AGBL4: variants seen among roughly 807,000 people sequenced by gnomAD.
AGBL4 encodes the protein cytosolic carboxypeptidase 6.
AGBL4 carries 58 observed loss-of-function variants against 66.4 expected under a neutral mutation model. The ratio of observed to expected loss-of-function variants is 0.87; its 90% CI spans 0.71 to 1.09. The LOEUF (loss-of-function observed/expected upper bound fraction) is 1.09, where lower values mean the gene tolerates loss of function less well. Among genes scored for constraint, AGBL4 ranks in the 50% least tolerant of loss-of-function variants. AGBL4 has a pLI of 0.00. For synonymous variants in AGBL4, 234 were observed against 222.9 expected (o/e 1.05, Z -0.44); for missense variants, 579 against 631.0 (o/e 0.92, Z 0.88).
chr1:49,251,785 T>C (rs1652089554), intron 3 of AGBL4, among the ~76,000 whole-genome samples: 1 of 152,128 alleles, frequency 6.6e-6, no homozygotes, highest in South Asian at 2.1e-4. Flanking sequence ...CCCCCAGAGT[T>C]AGAGCACACA....
chr1:48,763,176 GAA>G (rs905372409), intron 6 of AGBL4, among the ~76,000 whole-genome samples: 2 of 151,732 alleles, frequency 1.3e-5, no homozygotes, highest in African/African-American at 2.4e-5. Context: ...GAACTGCTCA[GAA>G]AAAAAAGAGG....
At chr1:48,950,981 G>T (rs545301109) in intron 5 of AGBL4, among the ~76,000 whole-genome samples, 2 of 152,204 alleles carry the variant, frequency 1.3e-5, no homozygotes, top group South Asian at 4.2e-4. Context: ...CAAAAATCCA[G>T]ATAAAAAATG....
intron 3 of AGBL4, among the ~76,000 whole-genome samples, chr1:49,676,520 C>T (rs936851954): frequency 2.0e-5 from 3 of 152,084 alleles, no homozygotes; most frequent in African/African-American, 7.2e-5. Context: ...GGTTGTCATA[C>T]ACTTTGCTCA....
rs969719951 is a variant in AGBL4, at chr1:48,846,352, GAGAAAGAAAGAAGAA to G, written c.634+20824_634+20838del. Among the ~76,000 whole-genome samples, 5 of 116,198 alleles carry G rather than the reference GAGAAAGAAAGAAGAA, an allele frequency of 4.3e-5. No individual in the cohort carries two copies. In the South Asian group the frequency reaches 8.2e-4, roughly 19 times the overall value. The allele number at this position is 116,198 out of a possible 152,430, so 76.2% of individuals were successfully genotyped here. Reference sequence around the variant, plus strand: ...GATAGATAAGAAAAAGAAAAGAAAGGAGAAAGAAAGAAGAAAGAAAGAAAGAAAGAAAGAAAGAAA... The same window carrying G: ...GATAGATAAGAAAAAGAAAAGAAAGGAGAAAGAAAGAAAGAAAGAAAGAAA... On this transcript the variant is annotated intron_variant, in intron 6 of 13. Transcript: ENST00000371839.
intron 3 of AGBL4, among the ~76,000 whole-genome samples, chr1:49,691,770 G>A (rs1209191830): frequency 2.6e-5 from 4 of 152,136 alleles, no homozygotes; most frequent in African/African-American, 9.7e-5. Context: ...AGCTGCCAGT[G>A]TGGCTAGAAT....
intron 3 of AGBL4, among the ~76,000 whole-genome samples, chr1:49,624,000 A>T (rs1558111046): frequency 7.2e-6 from 1 of 138,964 alleles, no homozygotes; most frequent in African/African-American, 3.2e-5. Context: ...TTGATGAGAG[A>T]GAGTGTGTGT....
At chr1:48,985,124 A>T (rs544080198) in intron 5 of AGBL4, among the ~76,000 whole-genome samples, 1 of 152,284 alleles carries the variant, frequency 6.6e-6, no homozygotes, top group East Asian at 1.9e-4. Flanking sequence ...AAGACATTGG[A>T]CATAAGACAA....
At chr1:49,592,771 G>A (rs1020937629) in intron 3 of AGBL4, among the ~76,000 whole-genome samples, 2 of 152,150 alleles carry the variant, frequency 1.3e-5, no homozygotes, top group African/African-American at 4.8e-5. Flanking sequence ...GAAAGAAAAT[G>A]CATATATACT....
intron 1 of AGBL4, among the ~76,000 whole-genome samples, chr1:49,947,346 A>C (rs948085889): frequency 1.3e-5 from 2 of 152,078 alleles, no homozygotes; most frequent in African/African-American, 4.8e-5. Flanking sequence ...TTAATCCACC[A>C]TGATCAAGTG....
chr1:48,583,520 A>G (rs1247130935), intron 11 of AGBL4, among the ~76,000 whole-genome samples: 2 of 152,228 alleles, frequency 1.3e-5, no homozygotes, highest in African/African-American at 2.4e-5. Flanking sequence ...TTCTGTTTGC[A>G]TAATACCACA....
At chr1:49,842,728 G>T (rs1215226080) in intron 2 of AGBL4, among the ~76,000 whole-genome samples, 5 of 152,012 alleles carry the variant, frequency 3.3e-5, no homozygotes, top group African/African-American at 9.7e-5. Context: ...GGTAGACTAG[G>T]ATGGGGGTGA....
At chr1:49,265,974 A>G (rs1314277217) in intron 3 of AGBL4, among the ~76,000 whole-genome samples, 1 of 152,184 alleles carries the variant, frequency 6.6e-6, no homozygotes, top group African/African-American at 2.4e-5. Flanking sequence ...AAAATGCTGA[A>G]CAATCCTGGG....
chr1:48,801,284 C>T (rs142465176), intron 6 of AGBL4, among the ~76,000 whole-genome samples: 1 of 152,352 alleles, frequency 6.6e-6, no homozygotes, highest in Non-Finnish European at 1.5e-5. Flanking sequence ...GGCCTTGCCC[C>T]TCCCTGCCTG....
At chr1:49,412,970 G>C (rs1645347867) in intron 3 of AGBL4, among the ~76,000 whole-genome samples, 1 of 152,162 alleles carries the variant, frequency 6.6e-6, no homozygotes, top group Non-Finnish European at 1.5e-5. Flanking sequence ...AGTCCTGTGG[G>C]ATAAGGTTTT....
chr1:49,461,323 T>TG, intron 3 of AGBL4, among the ~76,000 whole-genome samples: 1 of 151,632 alleles, frequency 6.6e-6, no homozygotes, highest in African/African-American at 2.4e-5. Context: ...TTTGATGGAC[T>TG]GGATTAATTA....
At chr1:48,900,754 A>T (rs1462068384) in intron 5 of AGBL4, among the ~76,000 whole-genome samples, 2 of 152,212 alleles carry the variant, frequency 1.3e-5, no homozygotes, top group African/African-American at 2.4e-5. Flanking sequence ...ACATAGTCCT[A>T]AATGTAAAAC....
At chr1:48,948,077 C>T (rs1656671366) in intron 5 of AGBL4, among the ~76,000 whole-genome samples, 1 of 152,084 alleles carries the variant, frequency 6.6e-6, no homozygotes, top group South Asian at 2.1e-4. Flanking sequence ...GATGATTTTT[C>T]ACAAAGGCTG....
At chr1:49,160,357 C>T (rs757585547) in intron 4 of AGBL4, among the ~76,000 whole-genome samples, 2 of 152,188 alleles carry the variant, frequency 1.3e-5, no homozygotes, top group Non-Finnish European at 2.9e-5. Flanking sequence ...TGGAGGTCCA[C>T]TCCAGACCCT....
rs1411728485 is a variant in AGBL4 at position 49,766,524 on chromosome 1, A to G, written c.158-69087T>C. Among the ~76,000 whole-genome samples, 3 of 152,110 alleles carry G rather than the reference A, an allele frequency of 2.0e-5. No homozygotes were observed. In the East Asian group the frequency reaches 5.8e-4, roughly 29 times the overall value. On this transcript the variant is annotated intron_variant, in intron 2 of 13. Coordinates refer to ENST00000371839, the MANE Select transcript of AGBL4 (RefSeq NM_032785.4). ...AACCCCTATAAAGCAACTACTCAATACAAACAAAACAACCAGCTAACAACT... is the reference window on the plus strand; with the variant it reads ...AACCCCTATAAAGCAACTACTCAATGCAAACAAAACAACCAGCTAACAACT...
Sources: allele counts gnomAD v4.1 joint callset (sites outside exome capture counted in the v4.1 genomes callset), GRCh38; gene constraint gnomAD v4.1.1; transcripts MANE v1.5; gene names NCBI Gene and HGNC (gene_info 2026-07-23, HGNC 2026-07-21).